The following LCMT1 variants were observed in gnomAD, a reference collection of about 807,000 sequenced individuals.
The protein encoded by LCMT1 is leucine carboxyl methyltransferase 1.
A neutral mutation model predicts 47.7 loss-of-function variants in LCMT1; 32 were observed. The ratio of observed to expected loss-of-function variants is 0.67; its 90% confidence interval spans 0.51 to 0.90. The LOEUF is 0.90. Ranked by LOEUF, LCMT1 falls within the 40% of genes least tolerant of loss-of-function variation. LCMT1 has a pLI of 0.00. For missense variants in LCMT1, 375 were observed against 415.2 expected (o/e 0.90, Z 0.84); for synonymous variants, 152 against 149.7 (o/e 1.02, Z -0.11).
intron 7 of LCMT1, among the ~76,000 whole-genome samples, chr16:25,167,106 C>T (rs959393894): frequency 5.9e-5 from 9 of 152,160 alleles, no homozygotes; most frequent in African/African-American, 2.2e-4. Context: ...GATCTTGTCA[C>T]TTTGGAGCAA....
chr16:25,112,486 A>G (rs530918527), intron 1 of LCMT1, among the ~76,000 whole-genome samples: 8 of 152,304 alleles, frequency 5.3e-5, no homozygotes, highest in African/African-American at 1.9e-4. Context: ...GTACCGCACT[A>G]AGTCTCCACT....
chr16:25,124,378 A>G (rs1960094126), intron 1 of LCMT1, among the ~76,000 whole-genome samples: 2 of 152,252 alleles, frequency 1.3e-5, no homozygotes, highest in Admixed American at 1.3e-4. Context: ...ATTTAAATCC[A>G]GGTGAGTAAA....
At chr16:25,126,164 G>A (rs756840243) in intron 1 of LCMT1, 2 of 1,346,558 alleles carry the variant, frequency 1.5e-6, no homozygotes, top group East Asian at 9.2e-5. Flanking sequence ...GAGCCGGTGG[G>A]AGTTGCTGGC....
At position 25,174,916 on chromosome 16, in the gene LCMT1, C is replaced by T. The variant is rs559776678; in HGVS notation, c.885-21C>T. 1.0e-5 allele frequency: 14 copies of T among 1,369,128 alleles called. No homozygotes were observed. In the South Asian group the frequency reaches 1.8e-4, roughly 17 times the overall value. 84.8% of individuals were successfully genotyped at this position (1,369,128 alleles called of 1,614,324 possible). On this transcript the variant is annotated intron_variant, in intron 9 of 10. Transcript: ENST00000399069. ...TTTCAATGCAGACACTTGCATCGTT[C>T]TATTTTAATTCTTTCCACAGGATAG...
In LCMT1 at chr16:25,140,170, G is replaced by A; in HGVS notation, c.328-1G>A. ...AAAAAGTATTGTGTGTTTTTCCCCA[G>A]GATGAAGATCTTCTCCCAAGTAAAT... On this transcript the variant is annotated splice_acceptor_variant, in intron 3 of 10. Coordinates refer to ENST00000399069, the MANE Select transcript of LCMT1 (RefSeq NM_016309.3). LOFTEE classifies it high-confidence loss of function. 6.2e-7 allele frequency: 1 copy of A among 1,603,984 alleles called. No homozygotes were observed. The highest frequency in any genetic ancestry group is 8.5e-7 in the Non-Finnish European group (1 of 1,173,564).
rs530291880 is a variant in LCMT1, at chr16:25,174,758, A to AT, written c.885-173dup. ...TTTGTATTTTGACTTTGTTTATGGT[A>AT]TTTTTTCTTCTTTTCAGTGAAAAGA... On this transcript the variant is annotated intron_variant, in intron 9 of 10. Coordinates refer to ENST00000399069, the MANE Select transcript of LCMT1 (RefSeq NM_016309.3). The AT allele has an allele frequency of 5.8e-5, 22 of 378,958 alleles. No homozygotes were observed. The East Asian group carries it at 6.8e-4, about 12-fold the overall frequency. 23.5% of individuals were successfully genotyped at this position (378,958 alleles called of 1,614,324 possible).
chr16:25,173,702 A>C (rs140699620), intron 9 of LCMT1, among the ~76,000 whole-genome samples: 2 of 147,786 alleles, frequency 1.4e-5, no homozygotes, highest in Non-Finnish European at 3.0e-5. Context: ...ATTTTGACAG[A>C]AACTTTTTTT....
At chr16:25,124,568 C>G (rs1021136780) in intron 1 of LCMT1, among the ~76,000 whole-genome samples, 1 of 152,214 alleles carries the variant, frequency 6.6e-6, no homozygotes, top group Admixed American at 6.5e-5. Context: ...ATAGTAAGCA[C>G]TTGGTGACTT....
chr16:25,164,425 G>A (rs756428425), intron 6 of LCMT1, among the ~76,000 whole-genome samples, 173 bp from the exon 7 acceptor site: 2 of 152,072 alleles, frequency 1.3e-5, no homozygotes, highest in South Asian at 4.1e-4. Context: ...TAGAAAGCTC[G>A]GATTGTGACG....
chr16:25,163,361 C>T (rs1264383128), intron 6 of LCMT1, among the ~76,000 whole-genome samples: 6 of 150,866 alleles, frequency 4.0e-5, no homozygotes, highest in East Asian at 2.0e-4. Context: ...CCCAGCTACT[C>T]GGGAGGCCAA....
chr16:25,144,288 G>A (rs1443196850), intron 4 of LCMT1: 1 of 152,234 alleles, frequency 6.6e-6, no homozygotes, highest in Non-Finnish European at 1.5e-5. Context: ...TCTCCCAGTT[G>A]TGAGGCTCTG....
chr16:25,172,458 T>C (rs1961803818), intron 9 of LCMT1, among the ~76,000 whole-genome samples: 1 of 152,254 alleles, frequency 6.6e-6, no homozygotes, highest in Non-Finnish European at 1.5e-5. Context: ...TTGCCTGTTA[T>C]AAACAACACT....
intron 9 of LCMT1, among the ~76,000 whole-genome samples, chr16:25,171,593 C>A (rs1961774091): frequency 6.6e-6 from 1 of 152,172 alleles, no homozygotes; most frequent in Non-Finnish European, 1.5e-5. Context: ...ACCTGGAAAA[C>A]TCCCAGAGCA....
chr16:25,134,009 G>C lies in LCMT1; in HGVS notation c.327+1486G>C, dbSNP rs189871824. Among the ~76,000 whole-genome samples, 385 of 150,102 alleles carry C rather than the reference G, an allele frequency of 2.6e-3. 2 individuals carry two copies. Among genetic ancestry groups the C allele is most frequent in the African/African-American group, 9.1e-3 (372 of 40,758 alleles). On this transcript the variant is annotated intron_variant, in intron 3 of 10. Coordinates refer to ENST00000399069, the MANE Select transcript of LCMT1 (RefSeq NM_016309.3). ...ATCATGCCACCGCACTCCAGCCTGG[G>C]CGACGAGTGAGACTTCGTCTCTTAA...
In LCMT1 at chr16:25,116,074, G is replaced by C. The variant is rs563348893; in HGVS notation, c.113+4078G>C. The stretch of plus-strand genomic sequence containing the variant: ...ACACACCTGTAGTTAAACAAGCTGG[G>C]TTTATTACTTGTTGCAAGGAGGGAA... On this transcript the variant is annotated intron_variant, in intron 1 of 10. Coordinates refer to ENST00000399069, the MANE Select transcript of LCMT1 (RefSeq NM_016309.3). Among the ~76,000 whole-genome samples, 55 of 152,322 alleles carry C rather than the reference G, an allele frequency of 3.6e-4. 1 individual carries two copies. The South Asian group carries it at 0.011, about 32-fold the overall frequency.
At chr16:25,150,332 G>GTT (rs1961036562) in intron 4 of LCMT1, among the ~76,000 whole-genome samples, 1 of 128,916 alleles carries the variant, frequency 7.8e-6, no homozygotes, top group African/African-American at 3.0e-5. Flanking sequence ...ATAGTTTTCT[G>GTT]GTTTTTTTTT....
chr16:25,115,160 T>G (rs1049427980), intron 1 of LCMT1, among the ~76,000 whole-genome samples: 1 of 152,188 alleles, frequency 6.6e-6, no homozygotes, highest in Non-Finnish European at 1.5e-5. Context: ...CTCTGACCCC[T>G]TTTTTCCAAG....
chr16:25,150,250 A>G (rs1961031734), intron 4 of LCMT1, among the ~76,000 whole-genome samples: 1 of 151,676 alleles, frequency 6.6e-6, no homozygotes, highest in Non-Finnish European at 1.5e-5. Flanking sequence ...AATTTGCCCA[A>G]AGTCTTTTAT....
chr16:25,130,380 G>A (rs534862804), intron 2 of LCMT1, among the ~76,000 whole-genome samples: 7 of 151,518 alleles, frequency 4.6e-5, no homozygotes, highest in South Asian at 2.1e-4. Context: ...GGTTGGGTGC[G>A]GTGGCTCACG....
Sources: gnomAD v4.1 joint callset for allele counts (sites outside exome capture counted in the v4.1 genomes callset) on GRCh38, gnomAD v4.1.1 for gene constraint, MANE v1.5 for transcripts, NCBI Gene and HGNC (gene_info 2026-07-23, HGNC 2026-07-21) for gene names.